The following RHD variants were observed in gnomAD, a reference collection of about 807,000 sequenced individuals.
RHD encodes Rh blood group D antigen, also known as blood group Rh(D) polypeptide.
RHD carries 16 observed loss-of-function variants against 45.5 expected under a neutral mutation model. The ratio of observed to expected loss-of-function variants is 0.35; its 90% confidence interval spans 0.24 to 0.53. The LOEUF (loss-of-function observed/expected upper bound fraction) is 0.53. RHD is among the 20% of genes least tolerant of loss of function. The pLI is 0.92. For synonymous variants in RHD, 131 were observed against 217.5 expected (o/e 0.60, Z 3.50); for missense variants, 306 against 532.0 (o/e 0.58, Z 4.18).
At chr1:25,319,702 T>C (rs1644593609) in intron 8 of RHD, among the ~76,000 whole-genome samples, 2 of 132,154 alleles carry the variant, frequency 1.5e-5, no homozygotes, top group South Asian at 2.3e-4. Flanking sequence ...AAGACAAGCA[T>C]TTAATTTGTT....
intron 1 of RHD, among the ~76,000 whole-genome samples, chr1:25,281,823 G>A (rs1557517459): frequency 7.5e-6 from 1 of 132,674 alleles, no homozygotes; most frequent in Non-Finnish European, 1.8e-5. Context: ...TATCCTGGTG[G>A]TGTCAGGTTG....
At chr1:25,285,384 T>C in intron 2 of RHD, among the ~76,000 whole-genome samples, 1 of 134,830 alleles carries the variant, frequency 7.4e-6, no homozygotes, top group African/African-American at 2.6e-5. Context: ...TCCGCCCGCC[T>C]CGGCCTCCCA....
In RHD at chr1:25,306,604, T is replaced by C. The variant is rs775144590; in HGVS notation, c.948T>C (p.Cys316=). ...VGGAKYLPGC[C]NRVLGIPHSS... is the part of the protein sequence containing the mutation. ...ATAACACTTGTCCACAGGGGTGTTG[T>C]AACCGAGTGCTGGGGATTCCCCACA... Residue 316 remains cysteine, a synonymous_variant, in exon 7 of 10, where the codon TGT becomes TGC. Coordinates refer to ENST00000328664, the MANE Select transcript of RHD (RefSeq NM_016124.6). 17 of 1,378,348 alleles carry C rather than the reference T, an allele frequency of 1.2e-5. 4 individuals carry two copies. Among genetic ancestry groups the C allele is most frequent in the Non-Finnish European group, 1.7e-5 (17 of 978,646 alleles). 85.4% of individuals were successfully genotyped at this position (1,378,348 alleles called of 1,614,324 possible). A position where few individuals can be genotyped will look rare whatever the true frequency, so the allele number is the denominator to read the frequency against.
chr1:25,292,339 G>A (rs1557530767), intron 3 of RHD, among the ~76,000 whole-genome samples: 2 of 132,732 alleles, frequency 1.5e-5, no homozygotes, highest in African/African-American at 2.6e-5. Flanking sequence ...GACTGAAGGG[G>A]CAAGAGAGGA....
chr1:25,287,624 A>C (rs1389645790), intron 2 of RHD, among the ~76,000 whole-genome samples: 1 of 135,422 alleles, frequency 7.4e-6, no homozygotes, highest in Non-Finnish European at 1.8e-5. Flanking sequence ...TATCTTATTC[A>C]ACGTTGTTGT....
At chr1:25,280,011 G>A (rs1250870438) in intron 1 of RHD, among the ~76,000 whole-genome samples, 1 of 130,068 alleles carries the variant, frequency 7.7e-6, no homozygotes, top group Non-Finnish European at 1.8e-5. Context: ...ATGGATGGGT[G>A]GAAATGGGCC....
At position 25,279,107 on chromosome 1, in the gene RHD, G is replaced by A. The variant is rs60131381; in HGVS notation, c.149-5466G>A. Among the ~76,000 whole-genome samples the A allele has an allele frequency of 4.7e-3, 600 of 127,886 alleles. 80 individuals are homozygous for A. The highest frequency in any genetic ancestry group is 0.016 in the African/African-American group (580 of 36,964). The allele number at this position is 127,886 out of a possible 152,430, so 83.9% of individuals were successfully genotyped here. ...GACCGGAGGAGGCAGCTGCCCAAGG[G>A]GATGGACTCAGAAGGCCAAAGTGCT... On this transcript the variant is annotated intron_variant, in intron 1 of 9. Coordinates refer to ENST00000328664, the MANE Select transcript of RHD (RefSeq NM_016124.6).
In RHD at chr1:25,306,781, G is replaced by A; in HGVS notation, c.1073+52G>A. 3.7e-6 allele frequency: 5 copies of A among 1,348,638 alleles called. 1 individual carries two copies. Among genetic ancestry groups the A allele is most frequent in the Non-Finnish European group, 5.2e-6 (5 of 953,488 alleles). The allele number at this position is 1,348,638 out of a possible 1,614,324, so 83.5% of individuals were successfully genotyped here. On this transcript the variant is annotated intron_variant, in intron 7 of 9. Transcript: ENST00000328664. ...CCCTTAACACTCCCCTCCAACTCAG[G>A]AAGAAATGTGTGCAGAGTCCTTAGC...
At chr1:25,310,942 C>G (rs1422089108) in intron 7 of RHD, among the ~76,000 whole-genome samples, 1 of 120,728 alleles carries the variant, frequency 8.3e-6, no homozygotes, top group East Asian at 2.0e-4. Flanking sequence ...TATTGCACTC[C>G]AGCTTGGGCA....
chr1:25,323,326 CCAT>C (rs1205484211), intron 9 of RHD, among the ~76,000 whole-genome samples: 1 of 101,232 alleles, frequency 9.9e-6, no homozygotes, highest in East Asian at 2.3e-4. Context: ...ACCATCACCA[CCAT>C]CAAGACAAGG....
Position 25,279,864 on chromosome 1 carries a change from C to G in RHD, c.149-4709C>G, listed in dbSNP as rs1162887859. Among the ~76,000 whole-genome samples, 8 of 130,110 alleles carry G rather than the reference C, an allele frequency of 6.1e-5. 2 individuals carry two copies. The highest frequency in any genetic ancestry group is 1.4e-4 in the Non-Finnish European group (8 of 55,602). The allele number at this position is 130,110 out of a possible 152,430, so 85.4% of individuals were successfully genotyped here. A position where few individuals can be genotyped will look rare whatever the true frequency, so the allele number is the denominator to read the frequency against. On this transcript the variant is annotated intron_variant, in intron 1 of 9. Coordinates refer to ENST00000328664, the MANE Select transcript of RHD (RefSeq NM_016124.6). ...CGGGTAGCACATCCACTTCTTATCACCCCTGAACACCTTAGAGCCCATCAG... is the reference window on the plus strand; with the variant it reads ...CGGGTAGCACATCCACTTCTTATCAGCCCTGAACACCTTAGAGCCCATCAG...
At position 25,290,595 on chromosome 1, in the gene RHD, G is replaced by A. The variant is rs1571626147; in HGVS notation, c.336-46G>A. 4 of 1,270,220 alleles carry A rather than the reference G, an allele frequency of 3.1e-6. 1 individual carries two copies. The highest frequency in any genetic ancestry group is 4.6e-6 in the Non-Finnish European group (4 of 877,956). The allele number at this position is 1,270,220 out of a possible 1,614,324, so 78.7% of individuals were successfully genotyped here. A position where few individuals can be genotyped will look rare whatever the true frequency, so the allele number is the denominator to read the frequency against. ...TGAATGAATGAATGAATGAGTGAGA[G>A]GCATCCTTCCTTCTCAGTCGTCCTG... On this transcript the variant is annotated intron_variant, in intron 2 of 9. Coordinates refer to ENST00000328664, the MANE Select transcript of RHD (RefSeq NM_016124.6).
In RHD at chr1:25,304,470, C is replaced by T. The variant is rs1368124104; in HGVS notation, c.939+1011C>T. On this transcript the variant is annotated intron_variant, in intron 6 of 9. Coordinates refer to ENST00000328664, the MANE Select transcript of RHD (RefSeq NM_016124.6). ...AAAATTAGCCAGGCATGGTGGCGGG[C>T]ACCTGTCATCTTAGCGACTCAGGAG... is the stretch of plus-strand genomic sequence containing the variant. 3.1e-5 allele frequency: 4 copies of T among 129,962 alleles called. 2 individuals are homozygous for T. Among genetic ancestry groups the T allele is most frequent in the Non-Finnish European group, 7.2e-5 (4 of 55,284 alleles). The allele number at this position is 129,962 out of a possible 1,614,324, so 8.1% of individuals were successfully genotyped here.
At chr1:25,286,302 AAC>A (rs1641986717) in intron 2 of RHD, among the ~76,000 whole-genome samples, 1 of 135,372 alleles carries the variant, frequency 7.4e-6, no homozygotes, top group African/African-American at 2.5e-5. Context: ...CAGCCTGACT[AAC>A]ACAGTGAGAT....
Position 25,306,479 on chromosome 1 carries a change from G to A in RHD, c.940-117G>A, listed in dbSNP as rs184668322. 8.5e-5 allele frequency: 84 copies of A among 986,808 alleles called. 3 individuals are homozygous for A. The East Asian group carries it at 1.5e-3, about 17-fold the overall frequency. 61.1% of individuals were successfully genotyped at this position (986,808 alleles called of 1,614,324 possible). A position where few individuals can be genotyped will look rare whatever the true frequency, so the allele number is the denominator to read the frequency against. ...CAAGTCTGAGAAGGGCTTCTTTGAG[G>A]TGAGCCTTAGTGCCCATCCCCCTTT... On this transcript the variant is annotated intron_variant, in intron 6 of 9. Coordinates refer to ENST00000328664, the MANE Select transcript of RHD (RefSeq NM_016124.6).
At chr1:25,293,225 C>G (rs1167019398) in intron 3 of RHD, among the ~76,000 whole-genome samples, 1 of 129,442 alleles carries the variant, frequency 7.7e-6, no homozygotes, top group African/African-American at 2.7e-5. Context: ...GGCAATAATC[C>G]GATAGAGAGG....
Position 25,320,957 on chromosome 1 carries a change from T to C in RHD, c.1154-932T>C, listed in dbSNP as rs187317244. ...TACTTGGGAGGCTGAGGTGGGAGGG[T>C]TGCTTGACCCCGGGAGTTTGAGGCT... is the stretch of plus-strand genomic sequence containing the variant. On this transcript the variant is annotated intron_variant, in intron 8 of 9. Transcript: ENST00000328664. Among the ~76,000 whole-genome samples the C allele has an allele frequency of 3.1e-5, 4 of 131,012 alleles. No individual in the cohort carries two copies. The East Asian group carries it at 7.9e-4, about 26-fold the overall frequency. 85.9% of individuals were successfully genotyped at this position (131,012 alleles called of 152,430 possible). A position where few individuals can be genotyped will look rare whatever the true frequency, so the allele number is the denominator to read the frequency against.
rs112473736 is a variant in RHD, at chr1:25,290,554, A to AGAATGAATGAATGAAT, written c.336-68_336-53dup. The AGAATGAATGAATGAAT allele has an allele frequency of 2.6e-5, 29 of 1,099,950 alleles. 4 individuals are homozygous for AGAATGAATGAATGAAT. Among genetic ancestry groups the AGAATGAATGAATGAAT allele is most frequent in the African/African-American group, 1.9e-4 (12 of 63,624 alleles). The allele number at this position is 1,099,950 out of a possible 1,614,324, so 68.1% of individuals were successfully genotyped here. Reference sequence around the variant, plus strand: ...TAGGTGCCCAACAGTGTTTGTTGAAAGAATGAATGAATGAATGAATGAATG... The same window carrying AGAATGAATGAATGAAT: ...TAGGTGCCCAACAGTGTTTGTTGAAAGAATGAATGAATGAATGAATGAATGAATGAATGAATGAATG... On this transcript the variant is annotated intron_variant, in intron 2 of 9. Coordinates refer to ENST00000328664, the MANE Select transcript of RHD (RefSeq NM_016124.6).
chr1:25,278,822 A>G (rs1313945781), intron 1 of RHD, among the ~76,000 whole-genome samples: 1 of 129,020 alleles, frequency 7.8e-6, no homozygotes, highest in Non-Finnish European at 1.8e-5. Flanking sequence ...CCCCTTTGGG[A>G]AATCTCTGTT....
Sources: gnomAD v4.1 joint callset for allele counts (sites outside exome capture counted in the v4.1 genomes callset) on GRCh38, gnomAD v4.1.1 for gene constraint, MANE v1.5 for transcripts, NCBI Gene and HGNC (gene_info 2026-07-23, HGNC 2026-07-21) for gene names.